Variants in LRMDA observed in about 807,000 individuals in gnomAD.
LRMDA encodes the protein leucine-rich melanocyte differentiation-associated protein.
A neutral mutation model predicts 29.8 loss-of-function variants in LRMDA; 18 were observed. That is an observed-to-expected ratio of 0.60 (90% CI 0.42 to 0.90). The LOEUF is 0.90. Ranked by LOEUF, LRMDA falls within the 40% of genes least tolerant of loss-of-function variation. The probability of loss-of-function intolerance (pLI) is 0.00; values close to 1 mark genes in which losing one functional copy is unlikely to be tolerated. For synonymous variants in LRMDA, 125 were observed against 109.4 expected (o/e 1.14, Z -0.89); for missense variants, 273 against 273.9 (o/e 1.00, Z 0.02).
At chr10:75,960,981 A>C (rs1846754993) in intron 2 of LRMDA, among the ~76,000 whole-genome samples, 1 of 152,160 alleles carries the variant, frequency 6.6e-6, no homozygotes, top group African/African-American at 2.4e-5. Context: ...TTTCTATCCT[A>C]GGGACAGATT....
chr10:75,477,181 T>C (rs1006208706), intron 2 of LRMDA, among the ~76,000 whole-genome samples: 3 of 152,142 alleles, frequency 2.0e-5, no homozygotes, highest in Non-Finnish European at 4.4e-5. Flanking sequence ...GGTCTTGCTA[T>C]GTTGCCCAGG....
chr10:76,326,467 C>T (rs1840835122), intron 6 of LRMDA, among the ~76,000 whole-genome samples: 1 of 152,196 alleles, frequency 6.6e-6, no homozygotes, highest in African/African-American at 2.4e-5. Flanking sequence ...AGCTTACAAA[C>T]ATTTATGCAG....
chr10:75,667,165 C>G (rs991776459), intron 2 of LRMDA, among the ~76,000 whole-genome samples: 2 of 151,740 alleles, frequency 1.3e-5, no homozygotes, highest in Non-Finnish European at 2.9e-5. Context: ...TATTATTTCT[C>G]TACTTTCTTC....
At chr10:76,241,557 T>C (rs1852277655) in intron 5 of LRMDA, among the ~76,000 whole-genome samples, 1 of 152,214 alleles carries the variant, frequency 6.6e-6, no homozygotes, top group Non-Finnish European at 1.5e-5. Context: ...GTTTGAAACA[T>C]AGTTTCTGTG....
chr10:76,123,070 A>G (rs1849816894), intron 5 of LRMDA, among the ~76,000 whole-genome samples: 1 of 152,118 alleles, frequency 6.6e-6, no homozygotes, highest in South Asian at 2.1e-4. Flanking sequence ...TTTCAACAGT[A>G]CAACTCTTCA....
At chr10:75,885,795 A>C (rs1047949886) in intron 2 of LRMDA, among the ~76,000 whole-genome samples, 3 of 152,264 alleles carry the variant, frequency 2.0e-5, no homozygotes, top group Non-Finnish European at 4.4e-5. Context: ...TTGCATAAGC[A>C]TAACACATGT....
At chr10:75,435,832 C>T (rs1478690460) in intron 1 of LRMDA, among the ~76,000 whole-genome samples, 2 of 152,136 alleles carry the variant, frequency 1.3e-5, no homozygotes, top group Non-Finnish European at 2.9e-5. Context: ...CTCAGTGTAG[C>T]ACCGTGGGAG....
intron 2 of LRMDA, among the ~76,000 whole-genome samples, chr10:75,558,786 G>GT (rs1176812447): frequency 6.7e-6 from 1 of 148,276 alleles, no homozygotes; most frequent in Non-Finnish European, 1.5e-5. Flanking sequence ...GTGGTGTTTG[G>GT]TTTTTTATCC....
intron 5 of LRMDA, among the ~76,000 whole-genome samples, chr10:76,287,000 C>G (rs1374566120): frequency 6.6e-6 from 1 of 151,982 alleles, no homozygotes; most frequent in African/African-American, 2.4e-5. Context: ...ATTATTATGT[C>G]CTCTATTATT....
chr10:76,041,689 C>T (rs1215531933), intron 3 of LRMDA, among the ~76,000 whole-genome samples: 2 of 152,154 alleles, frequency 1.3e-5, no homozygotes, highest in Non-Finnish European at 2.9e-5. Flanking sequence ...ATGCTCCAAA[C>T]TTTCAAGGCA....
intron 5 of LRMDA, among the ~76,000 whole-genome samples, chr10:76,088,290 T>C (rs1277429045): frequency 6.6e-6 from 1 of 152,220 alleles, no homozygotes; most frequent in East Asian, 1.9e-4. Flanking sequence ...TGTAACCATC[T>C]TCTGTCCCTG....
chr10:75,504,349 G>C, intron 2 of LRMDA, among the ~76,000 whole-genome samples: 1 of 152,130 alleles, frequency 6.6e-6, no homozygotes. Context: ...GATTCAGGAG[G>C]GAGCTCAACA....
chr10:75,614,319 G>T (rs1212859554), intron 2 of LRMDA, among the ~76,000 whole-genome samples: 5 of 152,162 alleles, frequency 3.3e-5, no homozygotes, highest in Non-Finnish European at 7.3e-5. Flanking sequence ...GTAGGAGGAA[G>T]AGGGGCAGGG....
At chr10:76,180,779 T>C (rs1851033923) in intron 5 of LRMDA, among the ~76,000 whole-genome samples, 3 of 152,234 alleles carry the variant, frequency 2.0e-5, no homozygotes, top group African/African-American at 7.2e-5. Flanking sequence ...GTTCAGACTC[T>C]TGATTCTAAC....
intron 2 of LRMDA, among the ~76,000 whole-genome samples, chr10:75,959,398 T>C (rs1009087512): frequency 2.6e-5 from 4 of 152,154 alleles, no homozygotes; most frequent in Non-Finnish European, 4.4e-5. Context: ...ACCACATGTA[T>C]AAGTCAGAGC....
At chr10:76,198,739 T>G (rs1351939508) in intron 5 of LRMDA, among the ~76,000 whole-genome samples, 1 of 152,356 alleles carries the variant, frequency 6.6e-6, no homozygotes, top group East Asian at 1.9e-4. Flanking sequence ...CTCCAGATTA[T>G]GCATATGTTT....
intron 2 of LRMDA, chr10:75,783,103 C>T: frequency 6.5e-7 from 1 of 1,536,124 alleles, no homozygotes; most frequent in Non-Finnish European, 9.0e-7. Context: ...TGAAGGCTGG[C>T]TGTCAGGGTA....
intron 2 of LRMDA, among the ~76,000 whole-genome samples, chr10:76,021,557 T>A (rs561717680): frequency 3.3e-5 from 5 of 152,332 alleles, no homozygotes; most frequent in African/African-American, 9.6e-5. Flanking sequence ...TGCTGTCCTC[T>A]GCAACATGAG....
At chr10:76,060,723 G>A (rs1236463513) in intron 5 of LRMDA, among the ~76,000 whole-genome samples, 2 of 152,214 alleles carry the variant, frequency 1.3e-5, no homozygotes, top group African/African-American at 2.4e-5. Context: ...GGGAGGAATC[G>A]AAATCCTTCC....
Sources: gnomAD v4.1 joint callset for allele counts (sites outside exome capture counted in the v4.1 genomes callset) on GRCh38, gnomAD v4.1.1 for gene constraint, MANE v1.5 for transcripts, NCBI Gene and HGNC (gene_info 2026-07-23, HGNC 2026-07-21) for gene names.